DOCK7: variants seen among roughly 807,000 people sequenced by gnomAD.
DOCK7 encodes the protein dedicator of cytokinesis protein 7.
In DOCK7, 138 loss-of-function variants were observed where a neutral mutation model predicts 271.0. That is an observed-to-expected ratio of 0.51 (90% confidence interval 0.44 to 0.59). The LOEUF (loss-of-function observed/expected upper bound fraction) is 0.59, where lower values mean the gene tolerates loss of function less well. Ranked by LOEUF, DOCK7 falls within the 20% of genes least tolerant of loss-of-function variation. DOCK7 has a pLI of 0.00. For missense variants in DOCK7, 2,066 were observed against 2,592.4 expected, an observed-to-expected ratio of 0.80 and a Z score of 4.41; for synonymous variants, 823 against 876.1, an observed-to-expected ratio of 0.94 and a Z score of 1.07.
At position 62,538,076 on chromosome 1, in the gene DOCK7, A is replaced by AT. The variant is rs749785630; in HGVS notation, c.3301-16dup. On this transcript the variant is annotated splice_polypyrimidine_tract_variant and intron_variant, in intron 27 of 49. Transcript: ENST00000635253. ...TTTGAAGACACCTTGTAAGCAATGCATAAGTAAGAGAACACCAATTGAATC... is the reference window on the plus strand; with the variant it reads ...TTTGAAGACACCTTGTAAGCAATGCATTAAGTAAGAGAACACCAATTGAATC... The AT allele has an allele frequency of 7.5e-6, 12 of 1,607,790 alleles. No homozygotes were observed. The highest frequency in any genetic ancestry group is 1.0e-5 in the Non-Finnish European group (12 of 1,176,584).
intron 22 of DOCK7, among the ~76,000 whole-genome samples, chr1:62,548,725 C>T (rs1255772011): frequency 6.6e-6 from 1 of 152,158 alleles, no homozygotes; most frequent in Non-Finnish European, 1.5e-5. Flanking sequence ...CCAGCCATGT[C>T]TTAAGTCTTT....
At chr1:62,485,863 A>G (rs1042591091) in intron 43 of DOCK7, 4 of 205,142 alleles carry the variant, frequency 1.9e-5, no homozygotes, top group African/African-American at 9.4e-5. Flanking sequence ...GCAGCTACAA[A>G]GCTAAAGGTC....
chr1:62,636,698 G>C, intron 7 of DOCK7, 95 bp from the exon 8 acceptor site: 1 of 1,068,570 alleles, frequency 9.4e-7, no homozygotes, highest in Non-Finnish European at 1.4e-6. Flanking sequence ...CACAATACTT[G>C]GCAGTTTTCT....
intron 48 of DOCK7, among the ~76,000 whole-genome samples, chr1:62,461,311 GATA>G (rs1225847700): frequency 1.1e-4 from 17 of 151,970 alleles, no homozygotes; most frequent in East Asian, 5.8e-4. Context: ...AGTCTATTAA[GATA>G]ATAATTCTAA....
At chr1:62,595,361 T>G (rs1467292824) in intron 14 of DOCK7, among the ~76,000 whole-genome samples, 2 of 152,164 alleles carry the variant, frequency 1.3e-5, no homozygotes, top group African/African-American at 4.8e-5. Context: ...AAATATAAAC[T>G]TTTAATCTTT....
chr1:62,480,483 T>C (rs1363150174), intron 43 of DOCK7, among the ~76,000 whole-genome samples: 1 of 152,148 alleles, frequency 6.6e-6, no homozygotes, highest in Non-Finnish European at 1.5e-5. Flanking sequence ...ATATATGCTA[T>C]ACTAAAAAGA....
chr1:62,636,640 A>T (rs1056000743), intron 7 of DOCK7, 37 bp from the exon 8 acceptor site: 1 of 1,489,250 alleles, frequency 6.7e-7, no homozygotes. Context: ...TTTAAAGATA[A>T]ACATGAAATA....
intron 31 of DOCK7, among the ~76,000 whole-genome samples, chr1:62,515,433 G>C (rs879350568): frequency 6.6e-6 from 1 of 152,138 alleles, no homozygotes; most frequent in Non-Finnish European, 1.5e-5. Flanking sequence ...ACTTTTTATA[G>C]CCGAACTTTC....
At chr1:62,586,484 A>G in intron 15 of DOCK7, 23 bp downstream of exon 15, 1 of 1,530,156 alleles carries the variant, frequency 6.5e-7, no homozygotes, top group Non-Finnish European at 8.9e-7. Context: ...AAAAAATTAG[A>G]AAAGTAAAAG....
Position 62,535,874 on chromosome 1 carries a change from T to C in DOCK7, c.3472-242A>G, listed in dbSNP as rs148232885. On this transcript the variant is annotated intron_variant, in intron 28 of 49. Transcript: ENST00000635253. ...AATTTAATTATTTTACATTTCTTTTTTCACATATACTTTCCTACATATTTT... is the reference window on the plus strand; with the variant it reads ...AATTTAATTATTTTACATTTCTTTTCTCACATATACTTTCCTACATATTTT... Among the ~76,000 whole-genome samples, 541 of 152,324 alleles carry C rather than the reference T, an allele frequency of 3.6e-3. 4 individuals carry two copies. Among genetic ancestry groups the C allele is most frequent in the Middle Eastern group, 6.8e-3 (2 of 294 alleles).
intron 38 of DOCK7, 141 bp downstream of exon 38, chr1:62,496,198 C>G: frequency 1.2e-6 from 1 of 841,470 alleles, no homozygotes; most frequent in South Asian, 1.7e-5. Flanking sequence ...GAGATTCAGT[C>G]CTATCTATGG....
At chr1:62,587,990 T>C (rs1324398102) in intron 14 of DOCK7, among the ~76,000 whole-genome samples, 1 of 152,242 alleles carries the variant, frequency 6.6e-6, no homozygotes, top group East Asian at 1.9e-4. Flanking sequence ...GTAATTGCCA[T>C]GCCAGAGGAT....
At chr1:62,637,827 A>G (rs1004179110) in intron 7 of DOCK7, among the ~76,000 whole-genome samples, 2 of 152,202 alleles carry the variant, frequency 1.3e-5, no homozygotes, top group African/African-American at 4.8e-5. Context: ...TAGAAAAGAT[A>G]GCTATACCGA....
chr1:62,466,886 C>G (rs1261594621), intron 48 of DOCK7, among the ~76,000 whole-genome samples: 1 of 151,844 alleles, frequency 6.6e-6, no homozygotes, highest in Non-Finnish European at 1.5e-5. Context: ...CCATTGCAAT[C>G]AAGCCTGGGT....
chr1:62,542,578 T>C, intron 25 of DOCK7, 30 bp downstream of exon 25: 1 of 1,581,792 alleles, frequency 6.3e-7, no homozygotes, highest in Non-Finnish European at 8.6e-7. Context: ...AGAGAAAAAA[T>C]ATTAAAGAAC....
intron 18 of DOCK7, among the ~76,000 whole-genome samples, chr1:62,571,227 A>G (rs1036011865): frequency 1.8e-4 from 27 of 152,168 alleles, no homozygotes; most frequent in South Asian, 4.1e-4. Context: ...CAACCCCATT[A>G]AACAGTGGGC....
intron 18 of DOCK7, among the ~76,000 whole-genome samples, chr1:62,569,000 T>C (rs750787534): frequency 6.6e-6 from 1 of 151,780 alleles, no homozygotes; most frequent in Non-Finnish European, 1.5e-5. Context: ...CTAGAAGAAA[T>C]AGATAAATTC....
chr1:62,468,699 A>G (rs917858475), intron 48 of DOCK7, among the ~76,000 whole-genome samples: 2 of 152,180 alleles, frequency 1.3e-5, no homozygotes, highest in Non-Finnish European at 2.9e-5. Context: ...AGAACTGATA[A>G]ATACATTCAG....
At chr1:62,634,526 A>G (rs1232102905) in intron 9 of DOCK7, 2 of 278,654 alleles carry the variant, frequency 7.2e-6, no homozygotes, top group African/African-American at 2.2e-5. Flanking sequence ...TTTATAAACT[A>G]CAATAATCAA....
Sources: gnomAD v4.1 joint callset for allele counts (sites outside exome capture counted in the v4.1 genomes callset) on GRCh38, gnomAD v4.1.1 for gene constraint, MANE v1.5 for transcripts, NCBI Gene and HGNC (gene_info 2026-07-23, HGNC 2026-07-21) for gene names.